RUNX2: variants seen among roughly 807,000 people sequenced by gnomAD.
The protein encoded by RUNX2 is runt-related transcription factor 2.
A neutral mutation model predicts 51.7 loss-of-function variants in RUNX2; 10 were observed. That is an observed-to-expected ratio of 0.19 (90% CI 0.12 to 0.33). RUNX2 has a LOEUF of 0.33. RUNX2 is among the 10% of genes least tolerant of loss of function. The pLI is 1.00. For synonymous variants in RUNX2, 276 were observed against 273.6 expected, an observed-to-expected ratio of 1.01 and a Z score of -0.09; for missense variants, 562 against 691.3, an observed-to-expected ratio of 0.81 and a Z score of 2.10.
At chr6:45,509,502 G>T (rs1433120443) in intron 6 of RUNX2, among the ~76,000 whole-genome samples, 2 of 152,184 alleles carry the variant, frequency 1.3e-5, no homozygotes, top group African/African-American at 4.8e-5. Flanking sequence ...ACAGCAGGGA[G>T]GTTTAACTGA....
At chr6:45,541,518 T>A (rs1028611779) in intron 7 of RUNX2, among the ~76,000 whole-genome samples, 1 of 152,120 alleles carries the variant, frequency 6.6e-6, no homozygotes, top group Admixed American at 6.5e-5. Context: ...TAATAAAACG[T>A]CCTTCGGATT....
At chr6:45,337,716 C>T (rs1459927625) in intron 2 of RUNX2, among the ~76,000 whole-genome samples, 1 of 151,712 alleles carries the variant, frequency 6.6e-6, no homozygotes, top group African/African-American at 2.4e-5. Context: ...CTTCTAGAAG[C>T]CATGAAAAAG....
At chr6:45,460,087 T>C (rs889946091) in intron 5 of RUNX2, among the ~76,000 whole-genome samples, 4 of 152,112 alleles carry the variant, frequency 2.6e-5, no homozygotes, top group African/African-American at 9.7e-5. Flanking sequence ...AGCTAGACCA[T>C]GAGTTGGCCT....
intron 6 of RUNX2, among the ~76,000 whole-genome samples, chr6:45,505,461 T>G (rs961162843): frequency 6.6e-6 from 1 of 152,114 alleles, no homozygotes; most frequent in African/African-American, 2.4e-5. Flanking sequence ...TTTTAGTCAT[T>G]TGAAAGTATG....
chr6:45,538,200 G>C (rs1802096236), intron 7 of RUNX2, among the ~76,000 whole-genome samples: 2 of 152,258 alleles, frequency 1.3e-5, no homozygotes, highest in South Asian at 4.1e-4. Flanking sequence ...GAAAATACCA[G>C]TCTGTCCTGT....
At chr6:45,345,477 C>T (rs1477217306) in intron 2 of RUNX2, among the ~76,000 whole-genome samples, 1 of 152,112 alleles carries the variant, frequency 6.6e-6, no homozygotes, top group African/African-American at 2.4e-5. Context: ...AACCAGGATA[C>T]AAATGATAAA....
chr6:45,418,890 G>C (rs1798119051), intron 2 of RUNX2, among the ~76,000 whole-genome samples: 1 of 152,116 alleles, frequency 6.6e-6, no homozygotes. Context: ...GCTTATATTA[G>C]TTCCACTGAA....
At position 45,438,629 on chromosome 6, in the gene RUNX2, C is replaced by T. The variant is rs1429296438; in HGVS notation, c.685+578C>T. ...TCTTTTAACAGATAGAGTCAAACCA[C>T]GTTTAAATCCATCTTGGTTTATTTG... On this transcript the variant is annotated intron_variant, in intron 5 of 8. Coordinates refer to ENST00000647337, the MANE Select transcript of RUNX2 (RefSeq NM_001024630.4). 3.9e-5 allele frequency among the ~76,000 whole-genome samples: 6 copies of T among 152,276 alleles called. 1 individual carries two copies. In the South Asian group the frequency reaches 1.0e-3, roughly 26 times the overall value.
chr6:45,404,741 A>T (rs1207526002), intron 2 of RUNX2, among the ~76,000 whole-genome samples: 1 of 152,264 alleles, frequency 6.6e-6, no homozygotes, highest in Non-Finnish European at 1.5e-5. Flanking sequence ...AGCCAGAGGA[A>T]GAGTCTCAAC....
intron 6 of RUNX2, among the ~76,000 whole-genome samples, chr6:45,502,274 C>T (rs548357277): frequency 2.2e-4 from 33 of 152,192 alleles, no homozygotes; most frequent in African/African-American, 2.6e-4. Flanking sequence ...CTCTTATGCA[C>T]GTTTGTTCTG....
Position 45,422,783 on chromosome 6 carries a change from T to G in RUNX2, c.249T>G (p.Ala83=), listed in dbSNP as rs756072084. Residue 83 remains alanine (A), a synonymous_variant, in exon 3 of 9, where the codon GCT becomes GCG. Coordinates refer to ENST00000647337, the MANE Select transcript of RUNX2 (RefSeq NM_001024630.4). The part of the protein sequence containing the change: ...AAAAAAAAAA[A]AAAAAAVPRL... ...CGGCGGCTGCGGCGGCGGCGGCGGCTGCGGCGGCGGCAGCTGCAGTGCCCC... is the reference window on the plus strand; with the variant it reads ...CGGCGGCTGCGGCGGCGGCGGCGGCGGCGGCGGCGGCAGCTGCAGTGCCCC... 4.4e-5 allele frequency: 63 copies of G among 1,429,482 alleles called. No individual in the cohort carries two copies. Among genetic ancestry groups the G allele is most frequent in the South Asian group, 3.3e-4 (24 of 72,332 alleles). The allele number at this position is 1,429,482 out of a possible 1,614,324, so 88.5% of individuals were successfully genotyped here.
intron 7 of RUNX2, among the ~76,000 whole-genome samples, chr6:45,536,710 A>G (rs1222444983): frequency 6.6e-6 from 1 of 152,070 alleles, no homozygotes; most frequent in Non-Finnish European, 1.5e-5. Flanking sequence ...GTAGTCTTAG[A>G]TTGGGTTGGT....
At chr6:45,517,530 G>C (rs1018629442) in intron 7 of RUNX2, among the ~76,000 whole-genome samples, 2 of 152,018 alleles carry the variant, frequency 1.3e-5, no homozygotes, top group African/African-American at 4.8e-5. Flanking sequence ...GTTTTTGTTT[G>C]TTGTTGTTGT....
intron 7 of RUNX2, among the ~76,000 whole-genome samples, chr6:45,525,554 G>C (rs559847555): frequency 6.6e-6 from 1 of 152,290 alleles, no homozygotes; most frequent in African/African-American, 2.4e-5. Flanking sequence ...ACTTCTGTAG[G>C]TCTTAGTTTC....
intron 6 of RUNX2, among the ~76,000 whole-genome samples, chr6:45,492,865 A>G (rs1800526443): frequency 6.6e-6 from 1 of 152,334 alleles, no homozygotes; most frequent in Non-Finnish European, 1.5e-5. Flanking sequence ...AATTATTATA[A>G]ATCTTTAATT....
intron 3 of RUNX2, among the ~76,000 whole-genome samples, chr6:45,425,895 C>A (rs1582098746): frequency 7.1e-6 from 1 of 140,042 alleles, no homozygotes; most frequent in African/African-American, 2.5e-5. Context: ...CACACACATA[C>A]ACACACACAC....
At chr6:45,372,609 T>C (rs1291144952) in intron 2 of RUNX2, among the ~76,000 whole-genome samples, 2 of 152,220 alleles carry the variant, frequency 1.3e-5, no homozygotes, top group Non-Finnish European at 2.9e-5. Flanking sequence ...TACTGTCCTG[T>C]GAATTCAACA....
At chr6:45,398,318 C>G (rs968536643) in intron 2 of RUNX2, among the ~76,000 whole-genome samples, 3 of 152,152 alleles carry the variant, frequency 2.0e-5, no homozygotes, top group Non-Finnish European at 4.4e-5. Flanking sequence ...GCTCAGTAAG[C>G]ATGAGCTATT....
intron 2 of RUNX2, among the ~76,000 whole-genome samples, chr6:45,416,642 T>C (rs1798074187): frequency 3.3e-5 from 5 of 152,248 alleles, no homozygotes; most frequent in Non-Finnish European, 5.9e-5. Flanking sequence ...AGAAGGCTGA[T>C]TTGAGAAAAT....
Sources: gnomAD v4.1 joint callset for allele counts (sites outside exome capture counted in the v4.1 genomes callset) on GRCh38, gnomAD v4.1.1 for gene constraint, MANE v1.5 for transcripts, NCBI Gene and HGNC (gene_info 2026-07-23, HGNC 2026-07-21) for gene names.